The following ESPNL variants were observed in gnomAD, a reference collection of about 807,000 sequenced individuals.
The protein encoded by ESPNL is espin like.
Under a neutral mutation model 46.8 loss-of-function variants are expected in ESPNL, and 49 were observed. That is an observed-to-expected ratio of 1.05 (90% CI 0.83 to 1.33). The LOEUF (loss-of-function observed/expected upper bound fraction) is 1.33, where lower values mean the gene tolerates loss of function less well. ESPNL is among the 40% of genes most tolerant of loss of function. ESPNL has a pLI of 0.00. For missense variants in ESPNL, 1,540 were observed against 1,436.6 expected (o/e 1.07, Z -1.16); for synonymous variants, 664 against 662.1 (o/e 1.00, Z -0.04).
At chr2:238,105,370 A>G (rs1279217878) in intron 3 of ESPNL, among the ~76,000 whole-genome samples, 4 of 152,022 alleles carry the variant, frequency 2.6e-5, no homozygotes, top group Non-Finnish European at 5.9e-5. Flanking sequence ...TACAACAGAA[A>G]AGCAGAGCAG....
chr2:238,105,512 CAAAAAAAAAAA>C (rs58809990), intron 3 of ESPNL, among the ~76,000 whole-genome samples: 1 of 98,008 alleles, frequency 1.0e-5, no homozygotes, highest in Non-Finnish European at 2.1e-5. Flanking sequence ...GACTCTGTCT[CAAAAAAAAAAA>C]AAAAAAAAAG....
intron 2 of ESPNL, among the ~76,000 whole-genome samples, chr2:238,102,395 G>A (rs962580534): frequency 1.3e-5 from 2 of 152,174 alleles, no homozygotes; most frequent in African/African-American, 2.4e-5. Flanking sequence ...GGGCGGTGAC[G>A]ATGGCAAGAT....
rs1692223556 is a variant in ESPNL at position 238,129,298 on chromosome 2, G to A, written c.1413+394G>A. 4.8e-6 allele frequency: 5 copies of A among 1,049,608 alleles called. No individual in the cohort carries two copies. In the African/African-American group the frequency reaches 8.4e-5, roughly 18 times the overall value. 65.0% of individuals were successfully genotyped at this position (1,049,608 alleles called of 1,614,324 possible). On this transcript the variant is annotated intron_variant, in intron 8 of 8. Coordinates refer to ENST00000343063, the MANE Select transcript of ESPNL (RefSeq NM_194312.4). ...GAAAGCAAAGCAGTTGGGGGACTAT[G>A]ATATATGGGTGCTTAGGGGGCCCCC...
In ESPNL at chr2:238,130,882, CAG is replaced by C; in HGVS notation, c.2171_2172del (p.Glu724GlyfsTer238). 1 of 1,548,370 alleles carries C rather than the reference CAG, an allele frequency of 6.5e-7. No homozygotes were observed. Among genetic ancestry groups the C allele is most frequent in the Non-Finnish European group, 8.7e-7 (1 of 1,147,048 alleles). On this transcript the variant is annotated frameshift_variant, in exon 9 of 9. Coordinates refer to ENST00000343063, the MANE Select transcript of ESPNL (RefSeq NM_194312.4). LOFTEE classifies it low-confidence loss of function (END_TRUNC). ...GGCATCAGCTGCGAGGAGGTGCCAT[CAG>C]AGGCGGGTGCCGCAGCCGGCCCAGA...
At chr2:238,105,212 C>G (rs996462863) in intron 3 of ESPNL, among the ~76,000 whole-genome samples, 1 of 152,116 alleles carries the variant, frequency 6.6e-6, no homozygotes, top group Non-Finnish European at 1.5e-5. Context: ...ACCACTTGTT[C>G]AGGCCCTGCC....
chr2:238,121,249 G>A (rs1691982030), intron 5 of ESPNL, among the ~76,000 whole-genome samples: 1 of 152,220 alleles, frequency 6.6e-6, no homozygotes, highest in Admixed American at 6.5e-5. Flanking sequence ...TGAGTGCCCT[G>A]TCTGGGCAGG....
chr2:238,106,093 G>A (rs1025189575), intron 3 of ESPNL, among the ~76,000 whole-genome samples: 6 of 152,184 alleles, frequency 3.9e-5, no homozygotes, highest in African/African-American at 1.4e-4. Flanking sequence ...CCAGGCACAC[G>A]GCGTGTCTGA....
At chr2:238,119,227 A>AGGGTGG (rs1691917681) in intron 5 of ESPNL, among the ~76,000 whole-genome samples, 1 of 117,588 alleles carries the variant, frequency 8.5e-6, no homozygotes, top group Admixed American at 8.4e-5. Flanking sequence ...GGGTGGAAGG[A>AGGGTGG]AGAGGGTGGA....
chr2:238,126,222 C>G (rs368820486), intron 6 of ESPNL, among the ~76,000 whole-genome samples: 4 of 150,132 alleles, frequency 2.7e-5, no homozygotes, highest in African/African-American at 7.4e-5. Flanking sequence ...GTGATTGTGT[C>G]TGTGTCTGTA....
intron 8 of ESPNL, chr2:238,129,305 G>A (rs757775078): frequency 7.9e-6 from 8 of 1,013,556 alleles, no homozygotes; most frequent in Non-Finnish European, 8.3e-6. Context: ...TATGATATAT[G>A]GGTGCTTAGG....
Position 238,125,253 on chromosome 2 carries a change from G to A in ESPNL, c.988-17G>A. Reference sequence around the variant, plus strand: ...GCCCACGGGGGTCCCCCACTGACCAGGCCCATTCACCCACAGGTGCCCCTG... The same window carrying A: ...GCCCACGGGGGTCCCCCACTGACCAAGCCCATTCACCCACAGGTGCCCCTG... On this transcript the variant is annotated splice_polypyrimidine_tract_variant and intron_variant, in intron 5 of 8. Transcript: ENST00000343063. 7.3e-7 allele frequency: 1 copy of A among 1,362,354 alleles called. No individual in the cohort carries two copies. Among genetic ancestry groups the A allele is most frequent in the Non-Finnish European group, 1.0e-6 (1 of 1,002,368 alleles). 84.4% of individuals were successfully genotyped at this position (1,362,354 alleles called of 1,614,324 possible). A position where few individuals can be genotyped will look rare whatever the true frequency, so the allele number is the denominator to read the frequency against.
intron 5 of ESPNL, among the ~76,000 whole-genome samples, chr2:238,123,693 G>A (rs2106475437): frequency 6.6e-6 from 1 of 152,268 alleles, no homozygotes; most frequent in East Asian, 1.9e-4. Context: ...GGTGTCCCAG[G>A]ACAGCTGTGC....
At chr2:238,119,791 G>C (rs1481251599) in intron 5 of ESPNL, among the ~76,000 whole-genome samples, 1 of 151,988 alleles carries the variant, frequency 6.6e-6, no homozygotes, top group African/African-American at 2.4e-5. Flanking sequence ...CAAACCCTTT[G>C]TCTCCCCAAG....
intron 8 of ESPNL, 199 bp downstream of exon 8, chr2:238,129,103 C>T (rs1361146117): frequency 7.1e-7 from 1 of 1,417,360 alleles, no homozygotes; most frequent in African/African-American, 1.4e-5. Context: ...CCTTCACCTG[C>T]TCTGGAGGCA....
chr2:238,113,703 G>A (rs1691757784), intron 4 of ESPNL, among the ~76,000 whole-genome samples: 1 of 152,208 alleles, frequency 6.6e-6, no homozygotes, highest in Non-Finnish European at 1.5e-5. Context: ...ACAGGAACCA[G>A]GGGCCTGGCT....
intron 5 of ESPNL, among the ~76,000 whole-genome samples, chr2:238,121,696 C>A (rs1013723848): frequency 1.2e-4 from 18 of 152,390 alleles, no homozygotes; most frequent in African/African-American, 4.3e-4. Flanking sequence ...CCGTACCCGG[C>A]CCAGAGCCTT....
chr2:238,111,445 C>T (rs1443886183), intron 4 of ESPNL, among the ~76,000 whole-genome samples: 2 of 152,286 alleles, frequency 1.3e-5, no homozygotes, highest in Admixed American at 1.3e-4. Context: ...TTCTCCGTCT[C>T]CCTTATCTCC....
rs1387078272 is a variant in ESPNL, at chr2:238,130,491, T to C, written c.1777T>C (p.Cys593Arg). Residue 593 changes from cysteine to arginine, a missense_variant, in exon 9 of 9, where the codon TGC (cysteine) becomes CGC (arginine). Physicochemically the swap from Cys to Arg is radical, Grantham distance 180 (BLOSUM62 -3). Transcript: ENST00000343063. ...CGGGGTGCAGCCCCTGCCCTTCTGG[T>C]GCAGCCACATCTCCCGCCTGGTACG... The part of the protein sequence containing the change: ...APGVQPLPFW[C>R]SHISRLVRSL... The C allele has an allele frequency of 6.3e-7, 1 of 1,598,168 alleles. No individual in the cohort carries two copies. The highest frequency in any genetic ancestry group is 1.7e-4 in the Middle Eastern group (1 of 5,992).
chr2:238,129,156 G>T, intron 8 of ESPNL: 1 of 1,395,168 alleles, frequency 7.2e-7, no homozygotes. Flanking sequence ...TGTGGCACAT[G>T]CCTGCCTGTG....
Sources: gnomAD v4.1 joint callset for allele counts (sites outside exome capture counted in the v4.1 genomes callset) on GRCh38, gnomAD v4.1.1 for gene constraint, MANE v1.5 for transcripts, NCBI Gene and HGNC (gene_info 2026-07-23, HGNC 2026-07-21) for gene names.